CDH13: variants seen among roughly 807,000 people sequenced by gnomAD.
CDH13 encodes cadherin 13.
In CDH13, 24 loss-of-function variants were observed where a neutral mutation model predicts 63.8. The ratio of observed to expected loss-of-function variants is 0.38; its 90% CI spans 0.27 to 0.53. The LOEUF is 0.53. Among genes scored for constraint, CDH13 ranks in the 20% least tolerant of loss-of-function variants. The probability of loss-of-function intolerance (pLI) is 0.85; values close to 1 mark genes in which losing one functional copy is unlikely to be tolerated. For synonymous variants in CDH13, 503 were observed against 355.3 expected, an observed-to-expected ratio of 1.42 and a Z score of -4.67; for missense variants, 1,049 against 903.1, an observed-to-expected ratio of 1.16 and a Z score of -2.07.
At chr16:83,778,169 A>C (rs532388795) in intron 11 of CDH13, among the ~76,000 whole-genome samples, 1 of 152,358 alleles carries the variant, frequency 6.6e-6, no homozygotes, top group African/African-American at 2.4e-5. Flanking sequence ...ACAAATGATT[A>C]AAGATGAACT....
At chr16:83,304,802 A>AAC (rs2089834968) in intron 5 of CDH13, among the ~76,000 whole-genome samples, 1 of 152,146 alleles carries the variant, frequency 6.6e-6, no homozygotes, top group Admixed American at 6.6e-5. Context: ...TGAAGCTGCT[A>AAC]GTAAGAGTGA....
At chr16:83,214,919 C>T (rs947017424) in intron 4 of CDH13, among the ~76,000 whole-genome samples, 1 of 151,994 alleles carries the variant, frequency 6.6e-6, no homozygotes, top group East Asian at 1.9e-4. Context: ...ACTTGCCAGC[C>T]ACAGGGATCC....
chr16:82,742,448 T>C (rs146883718), intron 1 of CDH13, among the ~76,000 whole-genome samples: 1 of 152,202 alleles, frequency 6.6e-6, no homozygotes, highest in African/African-American at 2.4e-5. Flanking sequence ...TAACTGGGCT[T>C]GTGTGAGCTC....
chr16:82,805,621 C>T (rs2037102937), intron 1 of CDH13, among the ~76,000 whole-genome samples: 1 of 152,134 alleles, frequency 6.6e-6, no homozygotes, highest in African/African-American at 2.4e-5. Flanking sequence ...TTCTGTGAGT[C>T]AGAGTCAAAG....
chr16:82,771,417 T>G (rs1160617653), intron 1 of CDH13, among the ~76,000 whole-genome samples: 1 of 152,166 alleles, frequency 6.6e-6, no homozygotes, highest in Non-Finnish European at 1.5e-5. Context: ...GACTGGTGTT[T>G]GTAAGGGTCT....
chr16:83,610,864 C>T (rs1805113335), intron 8 of CDH13, among the ~76,000 whole-genome samples: 1 of 152,142 alleles, frequency 6.6e-6, no homozygotes, highest in Non-Finnish European at 1.5e-5. Context: ...AATTCAACTT[C>T]GGTTGATTCC....
At chr16:83,247,834 C>G (rs1374563022) in intron 5 of CDH13, among the ~76,000 whole-genome samples, 1 of 152,174 alleles carries the variant, frequency 6.6e-6, no homozygotes, top group Non-Finnish European at 1.5e-5. Flanking sequence ...TGGATATCAT[C>G]TAGTGAGTCA....
At chr16:83,309,309 G>A (rs1353418702) in intron 5 of CDH13, among the ~76,000 whole-genome samples, 1 of 152,132 alleles carries the variant, frequency 6.6e-6, no homozygotes, top group Middle Eastern at 3.2e-3. Flanking sequence ...GATTTATATG[G>A]TGAGAGCACT....
At chr16:83,610,755 T>G (rs953772061) in intron 8 of CDH13, among the ~76,000 whole-genome samples, 4 of 152,190 alleles carry the variant, frequency 2.6e-5, no homozygotes, top group Admixed American at 6.5e-5. Context: ...GGGGATAATT[T>G]AGGTAATAGT....
Position 83,155,269 on chromosome 16 carries a change from C to A in CDH13, c.483+29768C>A, listed in dbSNP as rs148461476. Among the ~76,000 whole-genome samples, 53 of 151,324 alleles carry A rather than the reference C, an allele frequency of 3.5e-4. 1 individual carries two copies. The Middle Eastern group carries it at 0.01, about 30-fold the overall frequency. On this transcript the variant is annotated intron_variant, in intron 4 of 13. Transcript: ENST00000567109. Reference sequence around the variant, plus strand: ...TAGGTCTGGATGGAGGTAGAAGAGTCATGTTCTAGAGTCAGCATTGTAAAG... The same window carrying A: ...TAGGTCTGGATGGAGGTAGAAGAGTAATGTTCTAGAGTCAGCATTGTAAAG...
intron 4 of CDH13, among the ~76,000 whole-genome samples, chr16:83,215,217 C>T (rs2039462501): frequency 6.6e-6 from 1 of 151,092 alleles, no homozygotes; most frequent in Admixed American, 6.6e-5. Context: ...ACAGGGATTA[C>T]AGGTGTGCGC....
rs866065313 is a variant in CDH13 at position 83,285,221 on chromosome 16, G to A, written c.637-59641G>A. On this transcript the variant is annotated intron_variant, in intron 5 of 13. Transcript: ENST00000567109. The stretch of plus-strand genomic sequence containing the variant: ...AAGTCCTACCCAGAAGGAAGAAAAC[G>A]TCTCACCTAGAAAAAAGTCATTATG... Among the ~76,000 whole-genome samples the A allele has an allele frequency of 3.3e-5, 5 of 152,144 alleles. No homozygotes were observed. In the South Asian group the frequency reaches 6.2e-4, roughly 19 times the overall value.
At chr16:82,784,412 G>C (rs1032038703) in intron 1 of CDH13, among the ~76,000 whole-genome samples, 1 of 152,130 alleles carries the variant, frequency 6.6e-6, no homozygotes, top group East Asian at 1.9e-4. Flanking sequence ...GAGGAAATGT[G>C]GTCCAGCTGT....
intron 7 of CDH13, chr16:83,508,465 A>C (rs1261742090): frequency 6.5e-6 from 1 of 153,106 alleles, no homozygotes; most frequent in Non-Finnish European, 1.5e-5. Context: ...ACAGGCTTTC[A>C]ACCTGTTAAT....
chr16:83,011,906 C>A (rs146289954), intron 2 of CDH13, among the ~76,000 whole-genome samples: 166 of 152,312 alleles, frequency 1.1e-3, no homozygotes, highest in Non-Finnish European at 1.2e-3. Context: ...TTCATTACAG[C>A]TATTATTAAT....
At position 82,714,692 on chromosome 16, in the gene CDH13, C is replaced by T. The variant is rs374738189; in HGVS notation, c.45+87555C>T. On this transcript the variant is annotated intron_variant, in intron 1 of 13. Transcript: ENST00000567109. ...TCAATCCACTGCACTCCAGCCTAGG[C>T]GACAGAGCAAGACTCCATCTAAAAA... is the stretch of plus-strand genomic sequence containing the variant. Among the ~76,000 whole-genome samples the T allele has an allele frequency of 1.5e-3, 160 of 109,160 alleles. 1 individual carries two copies. The highest frequency in any genetic ancestry group is 5.2e-3 in the African/African-American group (144 of 27,826). The allele number at this position is 109,160 out of a possible 152,430, so 71.6% of individuals were successfully genotyped here. A position where few individuals can be genotyped will look rare whatever the true frequency, so the allele number is the denominator to read the frequency against.
In CDH13 at chr16:83,800,308, C is replaced by G. The variant is rs1904312125; in HGVS notation, c.*5278C>G. The G allele has an allele frequency of 6.6e-6, 1 of 152,126 alleles. No homozygotes were observed. The highest frequency in any genetic ancestry group is 2.4e-5 in the African/African-American group (1 of 41,404). The allele number at this position is 152,126 out of a possible 1,614,324, so 9.4% of individuals were successfully genotyped here. A position where few individuals can be genotyped will look rare whatever the true frequency, so the allele number is the denominator to read the frequency against. On this transcript the variant is annotated 3_prime_UTR_variant, in exon 14 of 14. Transcript: ENST00000567109. ...AGTACTAAAGCCATTCTATATCTGTCGTACACATGAATTCAGACTATTATT... is the reference window on the plus strand; with the variant it reads ...AGTACTAAAGCCATTCTATATCTGTGGTACACATGAATTCAGACTATTATT...
chr16:83,171,241 C>T (rs1294621588), intron 4 of CDH13, among the ~76,000 whole-genome samples: 1 of 151,976 alleles, frequency 6.6e-6, no homozygotes, highest in East Asian at 1.9e-4. Context: ...GGAAACAGGG[C>T]AAGAGAATGG....
intron 4 of CDH13, among the ~76,000 whole-genome samples, chr16:83,149,876 T>C (rs2036901242): frequency 6.6e-6 from 1 of 152,190 alleles, no homozygotes. Context: ...CAAACAAATA[T>C]TACAAGTCAG....
Sources: allele counts gnomAD v4.1 joint callset (sites outside exome capture counted in the v4.1 genomes callset), GRCh38; gene constraint gnomAD v4.1.1; transcripts MANE v1.5; gene names NCBI Gene and HGNC (gene_info 2026-07-23, HGNC 2026-07-21).